The following MYPOP variants were observed in gnomAD, a reference collection of about 807,000 sequenced individuals.
MYPOP encodes the protein myb-related transcription factor, partner of profilin.
Under a neutral mutation model 25.7 loss-of-function variants are expected in MYPOP, and 21 were observed. The observed-to-expected ratio is 0.82, with a 90% CI of 0.58 to 1.18. The LOEUF (loss-of-function observed/expected upper bound fraction) is 1.18. MYPOP is among the 50% of genes most tolerant of loss of function. MYPOP has a pLI of 0.00. For missense variants in MYPOP, 566 were observed against 588.3 expected (o/e 0.96, Z 0.39); for synonymous variants, 280 against 247.9 (o/e 1.13, Z -1.22).
In MYPOP at chr19:45,899,086, CAT is replaced by C. The variant is rs1967250025; in HGVS notation, c.499+2187_499+2188del. On this transcript the variant is annotated intron_variant, in intron 2 of 2. Coordinates refer to ENST00000322217, the MANE Select transcript of MYPOP (RefSeq NM_001012643.4). ...TACTAAAAATACAAAATTAGCCAGG[CAT>C]GGTGGCGCATGCCTGTAATCTCGGC... is the stretch of plus-strand genomic sequence containing the variant. Among the ~76,000 whole-genome samples the C allele has an allele frequency of 1.3e-5, 2 of 152,122 alleles. 1 individual carries two copies. Among genetic ancestry groups the C allele is most frequent in the Non-Finnish European group, 2.9e-5 (2 of 68,024 alleles).
Position 45,890,381 on chromosome 19 carries a change from G to C in MYPOP, c.*242C>G. The C allele has an allele frequency of 2.0e-6, 1 of 494,274 alleles. No homozygotes were observed. The allele number at this position is 494,274 out of a possible 1,614,324, so 30.6% of individuals were successfully genotyped here. ...AATAATAAATAACATGAAATTGATG[G>C]CTTAGAAGTCAGGGTTAAGGGAGGC... On this transcript the variant is annotated 3_prime_UTR_variant, in exon 3 of 3. Transcript: ENST00000322217.
At chr19:45,894,384 A>G (rs1482688050) in intron 2 of MYPOP, among the ~76,000 whole-genome samples, 11 of 151,720 alleles carry the variant, frequency 7.3e-5, no homozygotes, top group African/African-American at 2.7e-4. Context: ...AAGTGCTAGG[A>G]TTATAGGCGT....
intron 2 of MYPOP, among the ~76,000 whole-genome samples, chr19:45,894,689 A>G (rs770325136): frequency 1.3e-5 from 2 of 151,492 alleles, no homozygotes; most frequent in Admixed American, 6.6e-5. Context: ...TGTGGAAATT[A>G]TATCGCCATA....
chr19:45,900,454 C>G (rs1299777777), intron 2 of MYPOP, among the ~76,000 whole-genome samples: 5 of 137,084 alleles, frequency 3.6e-5, no homozygotes, highest in Admixed American at 1.6e-4. Flanking sequence ...GGACCACCCC[C>G]CCCCCCACCG....
chr19:45,891,563 A>G (rs918471966), intron 2 of MYPOP, among the ~76,000 whole-genome samples: 1 of 151,520 alleles, frequency 6.6e-6, no homozygotes, highest in African/African-American at 2.4e-5. Flanking sequence ...CAGCCTCCCG[A>G]GTAGCTGGGA....
Position 45,890,319 on chromosome 19 carries a change from C to A in MYPOP, c.*304G>T, listed in dbSNP as rs1967097947. The A allele has an allele frequency of 6.5e-6, 2 of 305,358 alleles. No individual in the cohort carries two copies. Among genetic ancestry groups the A allele is most frequent in the Non-Finnish European group, 6.1e-6 (1 of 164,840 alleles). The allele number at this position is 305,358 out of a possible 1,614,324, so 18.9% of individuals were successfully genotyped here. A position where few individuals can be genotyped will look rare whatever the true frequency, so the allele number is the denominator to read the frequency against. On this transcript the variant is annotated 3_prime_UTR_variant, in exon 3 of 3. Coordinates refer to ENST00000322217, the MANE Select transcript of MYPOP (RefSeq NM_001012643.4). ...GAACTGTTAGGGAAGGGGAGATGTGCAGACCCGAGAGGTTCCCTCCCCACC... is the reference window on the plus strand; with the variant it reads ...GAACTGTTAGGGAAGGGGAGATGTGAAGACCCGAGAGGTTCCCTCCCCACC...
Position 45,890,720 on chromosome 19 carries a change from G to C in MYPOP, c.1103C>G (p.Pro368Arg). Reference sequence around the variant, plus strand: ...GTGCGGAGGGAGCGGGGCTGGGGGGGGCCGGGGTGCCCCCTCCTCGCTCCT... The same window carrying C: ...GTGCGGAGGGAGCGGGGCTGGGGGGCGCCGGGGTGCCCCCTCCTCGCTCCT... ...APRSEEGAPR[P>R]PPAPLPPHDS... The change falls in exon 3 of 3, where the codon CCC (proline) becomes CGC (arginine). Residue 368 changes from proline to arginine, a missense_variant. Transcript: ENST00000322217. 1 of 1,571,186 alleles carries C rather than the reference G, an allele frequency of 6.4e-7. No individual in the cohort carries two copies. Among genetic ancestry groups the C allele is most frequent in the South Asian group, 1.1e-5 (1 of 87,958 alleles).
chr19:45,898,131 G>T (rs1314196930), intron 2 of MYPOP, among the ~76,000 whole-genome samples: 2 of 150,742 alleles, frequency 1.3e-5, no homozygotes, highest in African/African-American at 4.9e-5. Flanking sequence ...CGCCATGTTG[G>T]CCAGACTGGT....
chr19:45,892,901 C>G (rs943424279), intron 2 of MYPOP, among the ~76,000 whole-genome samples: 1 of 152,184 alleles, frequency 6.6e-6, no homozygotes, highest in Admixed American at 6.5e-5. Flanking sequence ...AACCAAAATA[C>G]AAGTCAGTTA....
chr19:45,892,013 G>A (rs534995612), intron 2 of MYPOP, among the ~76,000 whole-genome samples: 58 of 151,986 alleles, frequency 3.8e-4, no homozygotes, highest in African/African-American at 1.3e-3. Flanking sequence ...TCTGTCTTCC[G>A]GCTTCAAACG....
intron 2 of MYPOP, among the ~76,000 whole-genome samples, chr19:45,892,452 A>G (rs1381632112): frequency 5.9e-5 from 9 of 152,074 alleles, no homozygotes; most frequent in African/African-American, 2.2e-4. Flanking sequence ...ATGGGCTTGA[A>G]CAGTTTGCAT....
intron 2 of MYPOP, among the ~76,000 whole-genome samples, chr19:45,895,140 G>T (rs1967184528): frequency 1.3e-5 from 2 of 152,278 alleles, no homozygotes; most frequent in South Asian, 4.1e-4. Flanking sequence ...GGCCCTGCAC[G>T]ATCTTCCCCC....
chr19:45,901,809 C>T lies in MYPOP; in HGVS notation c.-36G>A. 7.4e-7 allele frequency: 1 copy of T among 1,350,394 alleles called. No individual in the cohort carries two copies. The highest frequency in any genetic ancestry group is 9.5e-7 in the Non-Finnish European group (1 of 1,054,940). 83.7% of individuals were successfully genotyped at this position (1,350,394 alleles called of 1,614,324 possible). A position where few individuals can be genotyped will look rare whatever the true frequency, so the allele number is the denominator to read the frequency against. ...GACGCCGCCGTCCTGCCGTCTGGCG[C>T]ATGGGGGGCGCCGGCGCTGCGGGCA... On this transcript the variant is annotated 5_prime_UTR_variant, in exon 2 of 3. It removes an upstream start codon present in the reference 5' UTR. Transcript: ENST00000322217. This position sits in a 1 kb window ranked among gnomAD's most constrained non-coding sequence, Gnocchi z 5.7.
In MYPOP at chr19:45,901,665, G is replaced by T. The variant is rs757150787; in HGVS notation, c.109C>A (p.Pro37Thr). Residue 37 changes from proline to threonine, a missense_variant, in exon 2 of 3, where the codon CCG (proline) becomes ACG (threonine). Coordinates refer to ENST00000322217, the MANE Select transcript of MYPOP (RefSeq NM_001012643.4). The surrounding 1 kb of genome is among the most constrained non-coding windows in gnomAD (Gnocchi z 5.7). ...ILIREVRAHY[P>T]QLYGAQSRRV... ...CGGCTCTGCGCGCCGTAGAGCTGCG[G>T]GTAGTGGGCGCGCACCTCGCGGATC... The T allele has an allele frequency of 1.2e-6, 2 of 1,609,362 alleles. No individual in the cohort carries two copies. Among genetic ancestry groups the T allele is most frequent in the South Asian group, 2.2e-5 (2 of 90,684 alleles).
Position 45,891,077 on chromosome 19 carries a change from G to A in MYPOP, c.746C>T (p.Pro249Leu), listed in dbSNP as rs773121940. 5.4e-6 allele frequency: 8 copies of A among 1,476,446 alleles called. No individual in the cohort carries two copies. Among genetic ancestry groups the A allele is most frequent in the Non-Finnish European group, 6.3e-6 (7 of 1,110,568 alleles). The allele number at this position is 1,476,446 out of a possible 1,614,324, so 91.5% of individuals were successfully genotyped here. ...GTCTGAGGCCGAGAGCGTGGGTGGA[G>A]GCCGAGGAGGGGGTGGGGGGCTAGG... is the stretch of plus-strand genomic sequence containing the variant. ...SPPSPPPPPR[P>L]PPTLSASDPS... Residue 249 changes from proline to leucine, a missense_variant, in exon 3 of 3, where the codon CCT becomes CTT. Transcript: ENST00000322217.
chr19:45,891,234 G>T lies in MYPOP; in HGVS notation c.589C>A (p.Pro197Thr), dbSNP rs760634027. The change falls in exon 3 of 3, where the codon CCC becomes ACC. Residue 197 changes from proline (P) to threonine (T), a missense_variant. Transcript: ENST00000322217. ...CTPQEGGCPR[P>T]KERESPPPSA... is the part of the protein sequence containing the mutation. Reference sequence around the variant, plus strand: ...GGGGGTGGTGACTCACGCTCCTTGGGCCGTGGGCAGCCCCCTTCCTGGGGA... The same window carrying T: ...GGGGGTGGTGACTCACGCTCCTTGGTCCGTGGGCAGCCCCCTTCCTGGGGA... 2.0e-5 allele frequency: 31 copies of T among 1,543,090 alleles called. No individual in the cohort carries two copies. The African/African-American group carries it at 3.9e-4, about 20-fold the overall frequency.
chr19:45,898,165 T>A (rs960761680), intron 2 of MYPOP, among the ~76,000 whole-genome samples: 2 of 151,666 alleles, frequency 1.3e-5, no homozygotes, highest in African/African-American at 4.8e-5. Context: ...CCTCAGGTGA[T>A]CCGCCCGCCT....
Position 45,891,245 on chromosome 19 carries a change from C to A in MYPOP, c.578G>T (p.Gly193Val). Residue 193 changes from glycine to valine, a missense_variant, in exon 3 of 3, where the codon GGC becomes GTC. Physicochemically the swap from Gly to Val is moderately radical, Grantham distance 109 (BLOSUM62 -3). Coordinates refer to ENST00000322217, the MANE Select transcript of MYPOP (RefSeq NM_001012643.4). ...ARPSCTPQEGGCPRPKERESP... is the reference protein window; with the variant it reads ...ARPSCTPQEGVCPRPKERESP... ...CTCACGCTCCTTGGGCCGTGGGCAG[C>A]CCCCTTCCTGGGGAGTGCAGGAGGG... 6.5e-7 allele frequency: 1 copy of A among 1,548,534 alleles called. No homozygotes were observed. Among genetic ancestry groups the A allele is most frequent in the Non-Finnish European group, 8.7e-7 (1 of 1,152,966 alleles).
Position 45,901,841 on chromosome 19 carries a change from G to A in MYPOP, c.-52-16C>T, listed in dbSNP as rs200918572. ...GGCGCCGGCGCTGCGGGCAAAGGGC[G>A]CACGGGGCTGGCTGGGGTTCGGGGT... On this transcript the variant is annotated splice_polypyrimidine_tract_variant and intron_variant, in intron 1 of 2. Transcript: ENST00000322217. The surrounding 1 kb of genome is among the most constrained non-coding windows in gnomAD (Gnocchi z 5.7). 8.1e-5 allele frequency: 103 copies of A among 1,268,588 alleles called. No homozygotes were observed. The highest frequency in any genetic ancestry group is 4.5e-4 in the East Asian group (14 of 31,200). The allele number at this position is 1,268,588 out of a possible 1,614,324, so 78.6% of individuals were successfully genotyped here.
Sources: gnomAD v4.1 joint callset for allele counts (sites outside exome capture counted in the v4.1 genomes callset) on GRCh38, gnomAD v4.1.1 for gene constraint, Gnocchi (gnomAD v3.1) non-coding constraint, MANE v1.5 for transcripts, NCBI Gene and HGNC (gene_info 2026-07-23, HGNC 2026-07-21) for gene names.